SLC44A5: variants seen among roughly 807,000 people sequenced by gnomAD.
The protein encoded by SLC44A5 is choline transporter-like protein 5.
Under a neutral mutation model 101.8 loss-of-function variants are expected in SLC44A5, and 57 were observed. That is an observed-to-expected ratio of 0.56 (90% CI 0.45 to 0.70). SLC44A5 has a LOEUF of 0.70. Among genes scored for constraint, SLC44A5 ranks in the 30% least tolerant of loss-of-function variants. The probability of loss-of-function intolerance (pLI) is 0.00; values close to 1 mark genes in which losing one functional copy is unlikely to be tolerated. For synonymous variants in SLC44A5, 281 were observed against 290.9 expected, an observed-to-expected ratio of 0.97 and a Z score of 0.35; for missense variants, 737 against 853.1, an observed-to-expected ratio of 0.86 and a Z score of 1.70.
intron 6 of SLC44A5, among the ~76,000 whole-genome samples, chr1:75,259,065 T>TG (rs1438420293): frequency 6.6e-6 from 1 of 152,008 alleles, no homozygotes; most frequent in Non-Finnish European, 1.5e-5. Flanking sequence ...TCCATGAAGA[T>TG]GGGGGGAAAT....
At chr1:75,632,682 C>G in the SLC44A5 span, among the ~76,000 whole-genome samples, 1,261 of 152,218 alleles carry the variant, frequency 8.3e-3, 22 homozygotes, top group African/African-American at 0.029. Flanking sequence ...TGTTCACGCT[C>G]CAGAAAAACT....
the SLC44A5 span, among the ~76,000 whole-genome samples, chr1:75,701,574 G>A: frequency 1.3e-5 from 2 of 152,148 alleles, no homozygotes; most frequent in East Asian, 3.9e-4. Flanking sequence ...AAAACTGGAA[G>A]CATTCCCTTT....
rs547583151 is a variant in SLC44A5 at position 75,303,730 on chromosome 1, G to A, written c.102-3045C>T. On this transcript the variant is annotated intron_variant, in intron 4 of 23. Transcript: ENST00000370859. ...CCCCAGCAGTCTCTCACCACAATGGGACAGCATTTCTCAATAATTCACACC... is the reference window on the plus strand; with the variant it reads ...CCCCAGCAGTCTCTCACCACAATGGAACAGCATTTCTCAATAATTCACACC... Among the ~76,000 whole-genome samples, 241 of 152,272 alleles carry A rather than the reference G, an allele frequency of 1.6e-3. 1 individual carries two copies. The highest frequency in any genetic ancestry group is 5.5e-3 in the African/African-American group (230 of 41,562).
intron 6 of SLC44A5, among the ~76,000 whole-genome samples, chr1:75,264,079 T>C (rs957329746): frequency 6.7e-6 from 1 of 149,488 alleles, no homozygotes; most frequent in Non-Finnish European, 1.5e-5. Context: ...TGTATACCTA[T>C]GTAACAAACC....
chr1:75,682,106 G>T, the SLC44A5 span, among the ~76,000 whole-genome samples: 2 of 152,178 alleles, frequency 1.3e-5, no homozygotes, highest in Non-Finnish European at 2.9e-5. Flanking sequence ...AATAAAAGAG[G>T]ATACAAATAA....
the SLC44A5 span, among the ~76,000 whole-genome samples, chr1:75,623,228 CAT>C: frequency 9.0e-3 from 1,367 of 152,076 alleles, 5 homozygotes; most frequent in Middle Eastern, 0.02. Context: ...AAACAAAAAA[CAT>C]AGTGCTATAG....
intron 6 of SLC44A5, among the ~76,000 whole-genome samples, chr1:75,267,173 G>A (rs1651065508): frequency 6.6e-6 from 1 of 152,138 alleles, no homozygotes; most frequent in African/African-American, 2.4e-5. Flanking sequence ...GCCAATGCAT[G>A]CTTCTCCTAC....
At chr1:75,673,693 C>T in the SLC44A5 span, among the ~76,000 whole-genome samples, 264 of 152,252 alleles carry the variant, frequency 1.7e-3, 1 homozygote, top group African/African-American at 5.8e-3. Context: ...TGCCATCCTT[C>T]CCCAAGCTCC....
At chr1:75,282,641 C>T (rs1014678370) in intron 5 of SLC44A5, among the ~76,000 whole-genome samples, 3 of 152,134 alleles carry the variant, frequency 2.0e-5, no homozygotes, top group African/African-American at 7.2e-5. Flanking sequence ...GTCACTAGAT[C>T]ATGGGTGCAG....
intron 1 of SLC44A5, among the ~76,000 whole-genome samples, chr1:75,589,551 A>G (rs927153798): frequency 6.6e-6 from 1 of 151,908 alleles, no homozygotes; most frequent in African/African-American, 2.4e-5. Context: ...AGAATATCCA[A>G]TTAACAACTA....
chr1:75,604,137 T>C (rs531252751), intron 1 of SLC44A5, among the ~76,000 whole-genome samples: 4 of 152,152 alleles, frequency 2.6e-5, no homozygotes, highest in Non-Finnish European at 5.9e-5. Flanking sequence ...AAGATTCTTA[T>C]AGTTTGAAGT....
At chr1:75,301,620 C>G (rs903100607) in intron 4 of SLC44A5, among the ~76,000 whole-genome samples, 2 of 152,296 alleles carry the variant, frequency 1.3e-5, no homozygotes, top group Middle Eastern at 6.8e-3. Context: ...TGAAGTTACA[C>G]ACTTATTTTT....
At chr1:75,651,910 A>G in the SLC44A5 span, among the ~76,000 whole-genome samples, 1 of 152,058 alleles carries the variant, frequency 6.6e-6, no homozygotes, top group Admixed American at 6.5e-5. Flanking sequence ...ATCTCTCTAA[A>G]ATAATAATTG....
chr1:75,660,002 GA>G, the SLC44A5 span, among the ~76,000 whole-genome samples: 1 of 152,096 alleles, frequency 6.6e-6, no homozygotes, highest in South Asian at 2.1e-4. Flanking sequence ...CTAGGAGTTA[GA>G]GACCAGCCTG....
At chr1:75,214,566 CT>C in intron 20 of SLC44A5, 38 bp downstream of exon 20, 1 of 1,519,714 alleles carries the variant, frequency 6.6e-7, no homozygotes, top group Non-Finnish European at 9.1e-7. Flanking sequence ...TCAAGGTTCA[CT>C]ACATTGTTAA....
intron 2 of SLC44A5, among the ~76,000 whole-genome samples, chr1:75,447,294 C>G (rs1011179796): frequency 6.6e-6 from 1 of 152,066 alleles, no homozygotes; most frequent in Admixed American, 6.6e-5. Context: ...ATTTCTATCT[C>G]TTTAAACTTA....
the SLC44A5 span, among the ~76,000 whole-genome samples, chr1:75,712,711 A>AC: frequency 7.1e-6 from 1 of 141,350 alleles, no homozygotes; most frequent in Non-Finnish European, 1.5e-5. Flanking sequence ...AAAAAAAAAA[A>AC]AAATGGAAAA....
intron 1 of SLC44A5, among the ~76,000 whole-genome samples, chr1:75,569,282 C>T (rs1672949104): frequency 6.9e-6 from 1 of 144,396 alleles, no homozygotes; most frequent in Non-Finnish European, 1.5e-5. Flanking sequence ...TGTTTGTTGC[C>T]CAGGCTGGAG....
At chr1:75,541,339 T>C in intron 2 of SLC44A5, 96 bp downstream of exon 2, 1 of 945,410 alleles carries the variant, frequency 1.1e-6, no homozygotes, top group Non-Finnish European at 1.7e-6. Context: ...TAGTATATAC[T>C]CATTTTTCTA....
Sources: gnomAD v4.1 joint callset for allele counts (sites outside exome capture counted in the v4.1 genomes callset) on GRCh38, gnomAD v4.1.1 for gene constraint, MANE v1.5 for transcripts, NCBI Gene and HGNC (gene_info 2026-07-23, HGNC 2026-07-21) for gene names.